PTPN9: variants seen among roughly 807,000 people sequenced by gnomAD.
PTPN9 encodes protein tyrosine phosphatase non-receptor type 9, also known as tyrosine-protein phosphatase non-receptor type 9.
Under a neutral mutation model 69.8 loss-of-function variants are expected in PTPN9, and 26 were observed. That is an observed-to-expected ratio of 0.37 (90% CI 0.27 to 0.52). The LOEUF (loss-of-function observed/expected upper bound fraction) is 0.52, where lower values mean the gene tolerates loss of function less well. Among genes scored for constraint, PTPN9 ranks in the 20% least tolerant of loss-of-function variants. The probability of loss-of-function intolerance (pLI) is 0.91; values close to 1 mark genes in which losing one functional copy is unlikely to be tolerated. For missense variants in PTPN9, 549 were observed against 740.3 expected, an observed-to-expected ratio of 0.74 and a Z score of 3.00; for synonymous variants, 274 against 272.5, an observed-to-expected ratio of 1.01 and a Z score of -0.05.
rs192872072 is a variant in PTPN9, at chr15:75,538,034, G to T, written c.64-10773C>A. ...AGATTGTGCCACTGTACTCCAGCCT[G>T]GGAGAGAGAGCAAGACTTTGTCTCG... On this transcript the variant is annotated intron_variant, in intron 1 of 12. Transcript: ENST00000618819. Among the ~76,000 whole-genome samples the T allele has an allele frequency of 4.0e-5, 6 of 151,588 alleles. No homozygotes were observed. In the East Asian group the frequency reaches 9.7e-4, roughly 24 times the overall value.
chr15:75,579,251 C>CGCTGGCCCTGCGACCTGCGCGGCT lies in PTPN9; in HGVS notation c.-499_-476dup, dbSNP rs2075189068. ...CGCCCAGCCGGGCCGTCCTCGCGGA[C>CGCTGGCCCTGCGACCTGCGCGGCT]GCTGGCCCTGCGACCTGCGCGGCTG... On this transcript the variant is annotated 5_prime_UTR_variant, in exon 1 of 13. Transcript: ENST00000618819. The CGCTGGCCCTGCGACCTGCGCGGCT allele has an allele frequency of 6.6e-6, 1 of 152,202 alleles. No individual in the cohort carries two copies. The highest frequency in any genetic ancestry group is 6.5e-5 in the Admixed American group (1 of 15,270). 9.4% of individuals were successfully genotyped at this position (152,202 alleles called of 1,614,324 possible).
chr15:75,572,425 T>C (rs1041858420), intron 1 of PTPN9, among the ~76,000 whole-genome samples: 16 of 151,806 alleles, frequency 1.1e-4, no homozygotes, highest in South Asian at 2.1e-4. Flanking sequence ...GAAAGGCTTT[T>C]ACGGCCAGGC....
chr15:75,503,804 TGGG>T (rs1380054063), intron 7 of PTPN9, among the ~76,000 whole-genome samples: 2 of 60,092 alleles, frequency 3.3e-5, no homozygotes, highest in African/African-American at 6.2e-5. Context: ...GGGAGGGAGG[TGGG>T]GGGGTCAGCC....
intron 9 of PTPN9, among the ~76,000 whole-genome samples, chr15:75,475,730 C>T (rs1484161904): frequency 6.6e-6 from 1 of 152,114 alleles, no homozygotes; most frequent in Non-Finnish European, 1.5e-5. Context: ...ATTGCTAAGT[C>T]TTTTAGCAAG....
chr15:75,515,130 TA>T (rs1032406695), intron 5 of PTPN9, among the ~76,000 whole-genome samples: 2 of 151,396 alleles, frequency 1.3e-5, no homozygotes, highest in African/African-American at 4.9e-5. Context: ...TGAGCCAGAA[TA>T]AAAAAAAGAA....
At chr15:75,535,617 G>A (rs984821103) in intron 1 of PTPN9, among the ~76,000 whole-genome samples, 1 of 152,210 alleles carries the variant, frequency 6.6e-6, no homozygotes, top group Non-Finnish European at 1.5e-5. Flanking sequence ...AAGATAAGAT[G>A]CAATGTCTGG....
At position 75,483,783 on chromosome 15, in the gene PTPN9, TCTC is replaced by T. The variant is rs2074658065; in HGVS notation, c.1063-3872_1063-3870del. ...GCTACATGAGCAAAAAGGAAACTGTTCTCATGAAAGCAGGATGTTGGCAAACTG... is the reference window on the plus strand; with the variant it reads ...GCTACATGAGCAAAAAGGAAACTGTTATGAAAGCAGGATGTTGGCAAACTG... On this transcript the variant is annotated intron_variant, in intron 8 of 12. Transcript: ENST00000618819. Among the ~76,000 whole-genome samples, 5 of 152,136 alleles carry T rather than the reference TCTC, an allele frequency of 3.3e-5. No homozygotes were observed. The South Asian group carries it at 1.0e-3, about 32-fold the overall frequency.
chr15:75,483,321 C>T (rs1345581623), intron 8 of PTPN9, among the ~76,000 whole-genome samples: 1 of 152,176 alleles, frequency 6.6e-6, no homozygotes, highest in Non-Finnish European at 1.5e-5. Context: ...CTCAAATGTC[C>T]TTCAACTGAT....
intron 1 of PTPN9, among the ~76,000 whole-genome samples, chr15:75,537,109 T>C (rs2074985436): frequency 6.6e-6 from 1 of 151,926 alleles, no homozygotes; most frequent in South Asian, 2.1e-4. Context: ...CCCAGCACTT[T>C]GGGAGGCCAA....
At chr15:75,484,279 C>A (rs1263768800) in intron 8 of PTPN9, among the ~76,000 whole-genome samples, 1 of 152,142 alleles carries the variant, frequency 6.6e-6, no homozygotes, top group African/African-American at 2.4e-5. Flanking sequence ...TAGCACAGGA[C>A]CAAATGAGAG....
At position 75,492,540 on chromosome 15, in the gene PTPN9, C is replaced by G. The variant is rs573333507; in HGVS notation, c.969-2239G>C. On this transcript the variant is annotated intron_variant, in intron 7 of 12. Coordinates refer to ENST00000618819, the MANE Select transcript of PTPN9 (RefSeq NM_002833.4). ...CCTGACCCATTCTCATTGTCCTGAC[C>G]TACACTCATATCCAAGTTTGGATCC... Among the ~76,000 whole-genome samples, 9 of 152,238 alleles carry G rather than the reference C, an allele frequency of 5.9e-5. 1 individual carries two copies. The South Asian group carries it at 1.0e-3, about 18-fold the overall frequency.
chr15:75,555,057 G>A (rs565161076), intron 1 of PTPN9, among the ~76,000 whole-genome samples: 2 of 152,292 alleles, frequency 1.3e-5, no homozygotes, highest in Admixed American at 1.3e-4. Context: ...TTGCAACCAT[G>A]CAAATATCCT....
chr15:75,500,599 C>G (rs980240830), intron 7 of PTPN9, among the ~76,000 whole-genome samples: 1 of 152,024 alleles, frequency 6.6e-6, no homozygotes, highest in Non-Finnish European at 1.5e-5. Context: ...TGGATATAAA[C>G]AGGGAGTCTG....
chr15:75,560,319 A>G (rs2075099002), intron 1 of PTPN9, among the ~76,000 whole-genome samples: 1 of 152,136 alleles, frequency 6.6e-6, no homozygotes, highest in South Asian at 2.1e-4. Context: ...AAAATCTTGT[A>G]TATTTTAATC....
chr15:75,554,033 T>A (rs1407833583), intron 1 of PTPN9, among the ~76,000 whole-genome samples: 1 of 148,572 alleles, frequency 6.7e-6, no homozygotes, highest in African/African-American at 2.5e-5. Flanking sequence ...TGATTTTTTT[T>A]AAGACAGAAT....
chr15:75,542,597 G>A (rs894529564), intron 1 of PTPN9, among the ~76,000 whole-genome samples: 5 of 152,184 alleles, frequency 3.3e-5, no homozygotes, highest in Admixed American at 6.5e-5. Context: ...TGTTAAACAC[G>A]AAAAGCTCCT....
intron 9 of PTPN9, among the ~76,000 whole-genome samples, chr15:75,477,897 A>C (rs1205273279): frequency 7.0e-6 from 1 of 143,760 alleles, no homozygotes; most frequent in Non-Finnish European, 1.5e-5. Context: ...CTGGAGTGCA[A>C]TGGCGCAGTC....
intron 9 of PTPN9, among the ~76,000 whole-genome samples, chr15:75,476,997 G>T (rs1262283923): frequency 6.6e-6 from 1 of 152,232 alleles, no homozygotes; most frequent in Non-Finnish European, 1.5e-5. Context: ...AGAAGGGAAA[G>T]TTGTACTTCC....
chr15:75,517,642 C>T (rs1340908238), intron 4 of PTPN9, among the ~76,000 whole-genome samples: 1 of 152,226 alleles, frequency 6.6e-6, no homozygotes, highest in Non-Finnish European at 1.5e-5. Flanking sequence ...TCTCCCACCC[C>T]TCTGAATCTA....
Sources: gnomAD v4.1 joint callset for allele counts (sites outside exome capture counted in the v4.1 genomes callset) on GRCh38, gnomAD v4.1.1 for gene constraint, MANE v1.5 for transcripts, NCBI Gene and HGNC (gene_info 2026-07-23, HGNC 2026-07-21) for gene names.